Variants in GRIN2A observed in about 807,000 individuals in gnomAD.
GRIN2A encodes glutamate ionotropic receptor NMDA type subunit 2A.
GRIN2A carries 22 observed loss-of-function variants against 113.4 expected under a neutral mutation model. The ratio of observed to expected loss-of-function variants is 0.19; its 90% confidence interval spans 0.14 to 0.28. The LOEUF is 0.28. Among genes scored for constraint, GRIN2A ranks in the 10% least tolerant of loss-of-function variants. The probability of loss-of-function intolerance (pLI) is 1.00; values close to 1 mark genes in which losing one functional copy is unlikely to be tolerated. For missense variants in GRIN2A, 1,502 were observed against 1,887.0 expected (o/e 0.80, Z 3.78); for synonymous variants, 827 against 738.4 (o/e 1.12, Z -1.94).
At chr16:10,128,631 G>T (rs950414666) in intron 2 of GRIN2A, among the ~76,000 whole-genome samples, 1 of 152,214 alleles carries the variant, frequency 6.6e-6, no homozygotes, top group Admixed American at 6.5e-5. Context: ...CCTGCTTGCT[G>T]CTCCCCCTCT....
chr16:9,819,536 A>AT (rs1217189072), intron 10 of GRIN2A, among the ~76,000 whole-genome samples: 2 of 151,962 alleles, frequency 1.3e-5, no homozygotes, highest in African/African-American at 4.8e-5. Flanking sequence ...AAAAAAAAAA[A>AT]TTTAAATAAT....
chr16:10,013,011 G>A (rs2046537272), intron 2 of GRIN2A, among the ~76,000 whole-genome samples: 1 of 152,190 alleles, frequency 6.6e-6, no homozygotes, highest in African/African-American at 2.4e-5. Flanking sequence ...GTTCTTGGGT[G>A]GGAGGCGGTA....
intron 7 of GRIN2A, 73 bp downstream of exon 7, chr16:9,840,574 C>T (rs962547866): frequency 2.9e-5 from 40 of 1,381,668 alleles, no homozygotes; most frequent in African/African-American, 1.6e-4. Flanking sequence ...CCTTTCTGGT[C>T]CCATCCTCTG....
intron 2 of GRIN2A, among the ~76,000 whole-genome samples, chr16:10,138,474 A>G (rs556163281): frequency 2.1e-4 from 32 of 152,146 alleles, no homozygotes; most frequent in Non-Finnish European, 4.1e-4. Context: ...GAAGCAATTG[A>G]CACACACTTT....
chr16:9,987,292 T>C (rs2045996372), intron 2 of GRIN2A, among the ~76,000 whole-genome samples: 1 of 152,246 alleles, frequency 6.6e-6, no homozygotes, highest in African/African-American at 2.4e-5. Context: ...CTTTTTATAT[T>C]TCTTCCTTTT....
intron 2 of GRIN2A, among the ~76,000 whole-genome samples, chr16:10,109,262 T>C (rs370214863): frequency 1.3e-5 from 2 of 151,872 alleles, no homozygotes; most frequent in Non-Finnish European, 2.9e-5. Context: ...ATTAAAGAAA[T>C]TGAACCCATA....
chr16:10,044,022 T>TATATAGAGAGAGAGAG (rs531659457), intron 2 of GRIN2A, among the ~76,000 whole-genome samples: 11 of 108,010 alleles, frequency 1.0e-4, no homozygotes, highest in South Asian at 8.1e-4. Context: ...TATATATATA[T>TATATAGAGAGAGAGAG]AGAGAGAGAG....
chr16:9,949,049 G>A (rs2045099935), intron 2 of GRIN2A, among the ~76,000 whole-genome samples: 1 of 152,164 alleles, frequency 6.6e-6, no homozygotes, highest in Non-Finnish European at 1.5e-5. Flanking sequence ...GGGGACTAAT[G>A]TGGGAGCTCA....
At chr16:10,030,105 T>C (rs994676635) in intron 2 of GRIN2A, among the ~76,000 whole-genome samples, 52 of 152,304 alleles carry the variant, frequency 3.4e-4, no homozygotes, top group African/African-American at 1.2e-3. Flanking sequence ...GCACGGGCTA[T>C]GTGCAAGCTG....
intron 2 of GRIN2A, among the ~76,000 whole-genome samples, chr16:9,955,729 G>C (rs977654872): frequency 6.6e-6 from 1 of 152,124 alleles, no homozygotes; most frequent in Non-Finnish European, 1.5e-5. Context: ...TCCATTTTTG[G>C]TTTTGTTTTG....
At chr16:9,874,869 T>G (rs1471707016) in intron 4 of GRIN2A, among the ~76,000 whole-genome samples, 1 of 151,924 alleles carries the variant, frequency 6.6e-6, no homozygotes, top group Non-Finnish European at 1.5e-5. Flanking sequence ...GCAGATTGCC[T>G]GGGCTCAGGA....
At chr16:10,000,300 T>A (rs1005944254) in intron 2 of GRIN2A, among the ~76,000 whole-genome samples, 5 of 152,210 alleles carry the variant, frequency 3.3e-5, no homozygotes, top group Admixed American at 3.3e-4. Context: ...GTGAAGAACA[T>A]GCATGTGTTA....
intron 2 of GRIN2A, among the ~76,000 whole-genome samples, chr16:10,133,102 G>A (rs977850862): frequency 2.0e-5 from 3 of 152,136 alleles, no homozygotes; most frequent in African/African-American, 7.2e-5. Context: ...TTTTGGATGA[G>A]GCTCTCATCT....
intron 2 of GRIN2A, among the ~76,000 whole-genome samples, chr16:10,132,984 A>G (rs2049098348): frequency 6.6e-6 from 1 of 152,120 alleles, no homozygotes; most frequent in Non-Finnish European, 1.5e-5. Context: ...TCCTTAGCTC[A>G]TGGCCACATC....
intron 2 of GRIN2A, among the ~76,000 whole-genome samples, chr16:9,944,151 A>G (rs2044959429): frequency 6.6e-6 from 1 of 152,204 alleles, no homozygotes; most frequent in Non-Finnish European, 1.5e-5. Context: ...TAACTCAGCA[A>G]CGATCCAGAG....
intron 3 of GRIN2A, among the ~76,000 whole-genome samples, chr16:9,909,839 G>A (rs779504044): frequency 1.3e-5 from 2 of 152,142 alleles, no homozygotes; most frequent in Non-Finnish European, 1.5e-5. Flanking sequence ...ACGCTATGGT[G>A]GAATTTTATG....
At chr16:9,819,851 G>C (rs143665394) in intron 10 of GRIN2A, among the ~76,000 whole-genome samples, 2 of 148,866 alleles carry the variant, frequency 1.3e-5, no homozygotes, top group Admixed American at 6.8e-5. Flanking sequence ...AACCTGGGAG[G>C]TGGAGGTTGC....
intron 2 of GRIN2A, among the ~76,000 whole-genome samples, chr16:9,958,563 T>C (rs2045357716): frequency 2.0e-5 from 3 of 152,132 alleles, no homozygotes; most frequent in Middle Eastern, 3.2e-3. Flanking sequence ...AAGTAGATTC[T>C]GAAGCAAATA....
chr16:10,093,717 C>G (rs1036778934), intron 2 of GRIN2A, among the ~76,000 whole-genome samples: 3 of 152,186 alleles, frequency 2.0e-5, no homozygotes, highest in Non-Finnish European at 2.9e-5. Context: ...TCACGTGATT[C>G]TGTGGTCCCT....
Sources: allele counts gnomAD v4.1 joint callset (sites outside exome capture counted in the v4.1 genomes callset), GRCh38; gene constraint gnomAD v4.1.1; transcripts MANE v1.5; gene names NCBI Gene and HGNC (gene_info 2026-07-23, HGNC 2026-07-21).